Variants in DTWD2 observed in about 807,000 individuals in gnomAD.
The protein encoded by DTWD2 is DTW motif tRNA-uridine aminocarboxypropyltransferase 2.
DTWD2 carries 39 observed loss-of-function variants against 31.8 expected under a neutral mutation model. The observed-to-expected ratio is 1.22, with a 90% CI of 0.95 to 1.60. The LOEUF is 1.60. Among genes scored for constraint, DTWD2 ranks in the 40% most tolerant of loss-of-function variants. The probability of loss-of-function intolerance (pLI) is 0.00; values close to 1 mark genes in which losing one functional copy is unlikely to be tolerated. For synonymous variants in DTWD2, 180 were observed against 142.8 expected, an observed-to-expected ratio of 1.26 and a Z score of -1.86; for missense variants, 515 against 381.5, an observed-to-expected ratio of 1.35 and a Z score of -2.92.
At chr5:118,859,168 G>C (rs1277724459) in intron 4 of DTWD2, among the ~76,000 whole-genome samples, 8 of 149,662 alleles carry the variant, frequency 5.3e-5, no homozygotes, top group Admixed American at 5.3e-4. Context: ...ATTTTTCTAA[G>C]TCTAGATTTC....
chr5:118,873,698 C>T lies in DTWD2; in HGVS notation c.598-25480G>A, dbSNP rs545529392. 3.3e-5 allele frequency among the ~76,000 whole-genome samples: 5 copies of T among 152,328 alleles called. No individual in the cohort carries two copies. The South Asian group carries it at 6.2e-4, about 19-fold the overall frequency. ...AGCCAGCATGGCCCGCTTTCACCAG[C>T]AACTCACACTTGCGCTAACCCTGAC... On this transcript the variant is annotated intron_variant, in intron 4 of 5. Transcript: ENST00000510708.
At chr5:118,966,996 A>T (rs1214062742) in intron 1 of DTWD2, among the ~76,000 whole-genome samples, 1 of 150,646 alleles carries the variant, frequency 6.6e-6, no homozygotes, top group African/African-American at 2.5e-5. Flanking sequence ...ACGCCACTGC[A>T]CTCCAGCAGA....
intron 4 of DTWD2, among the ~76,000 whole-genome samples, chr5:118,917,861 T>C (rs1486889706): frequency 6.6e-6 from 1 of 151,820 alleles, no homozygotes; most frequent in African/African-American, 2.4e-5. Context: ...GCTACTCAAG[T>C]GTCTGAGGCA....
intron 3 of DTWD2, among the ~76,000 whole-genome samples, chr5:118,936,898 G>T (rs1434695153): frequency 6.6e-6 from 1 of 151,818 alleles, no homozygotes; most frequent in Non-Finnish European, 1.5e-5. Flanking sequence ...ATTAAAAGAG[G>T]TTACCACTAC....
At chr5:118,922,528 C>A (rs1753725916) in intron 4 of DTWD2, among the ~76,000 whole-genome samples, 1 of 151,846 alleles carries the variant, frequency 6.6e-6, no homozygotes, top group African/African-American at 2.4e-5. Context: ...GAAATAAAAC[C>A]GAATTATTTT....
intron 4 of DTWD2, among the ~76,000 whole-genome samples, chr5:118,867,686 T>C (rs901950719): frequency 1.3e-5 from 2 of 152,096 alleles, no homozygotes; most frequent in South Asian, 2.1e-4. Context: ...TCTTAATTGA[T>C]AGAAAAGAAA....
chr5:118,873,630 C>T (rs932912887), intron 4 of DTWD2, among the ~76,000 whole-genome samples: 7 of 152,208 alleles, frequency 4.6e-5, no homozygotes, highest in African/African-American at 1.7e-4. Context: ...GGATGCCCAT[C>T]GCCCCTGCCA....
intron 4 of DTWD2, among the ~76,000 whole-genome samples, chr5:118,869,883 G>A (rs1752464183): frequency 6.6e-6 from 1 of 152,154 alleles, no homozygotes; most frequent in Non-Finnish European, 1.5e-5. Context: ...TGTAAGAGGT[G>A]TTGGATCACG....
intron 2 of DTWD2, among the ~76,000 whole-genome samples, chr5:118,943,557 A>G (rs566388461): frequency 1.1e-3 from 173 of 152,128 alleles, no homozygotes; most frequent in African/African-American, 3.4e-3. Flanking sequence ...TCTCAAAAAA[A>G]AAAAAAAAAG....
intron 4 of DTWD2, among the ~76,000 whole-genome samples, chr5:118,917,582 A>T (rs1231976655): frequency 2.0e-5 from 3 of 152,188 alleles, no homozygotes; most frequent in Non-Finnish European, 2.9e-5. Context: ...AGGCCTTAGG[A>T]AACTTACATT....
intron 2 of DTWD2, among the ~76,000 whole-genome samples, 173 bp from the exon 3 acceptor site, chr5:118,939,463 C>T (rs1754131448): frequency 6.6e-6 from 1 of 152,006 alleles, no homozygotes; most frequent in Non-Finnish European, 1.5e-5. Flanking sequence ...CAGTATTAAC[C>T]ATAACACAAG....
At chr5:118,869,666 A>G (rs902451365) in intron 4 of DTWD2, among the ~76,000 whole-genome samples, 1 of 152,236 alleles carries the variant, frequency 6.6e-6, no homozygotes, top group African/African-American at 2.4e-5. Flanking sequence ...GTCAGATTTT[A>G]ATCATTAATT....
At position 118,979,155 on chromosome 5, in the gene DTWD2, T is replaced by G. The variant is rs1755231891; in HGVS notation, c.218+9139A>C. The stretch of plus-strand genomic sequence containing the variant: ...CCATCTCTGCTAAAAATACAAAAAA[T>G]TAGCCAGGCATGGTGGCGGGCACCT... On this transcript the variant is annotated intron_variant, in intron 1 of 5. Transcript: ENST00000510708. Among the ~76,000 whole-genome samples, 8 of 151,854 alleles carry G rather than the reference T, an allele frequency of 5.3e-5. No homozygotes were observed. In the South Asian group the frequency reaches 1.5e-3, roughly 28 times the overall value.
rs1167809584 is a variant in DTWD2, at chr5:118,988,359, A to C, written c.153T>G (p.Ser51Arg). 6.4e-6 allele frequency: 10 copies of C among 1,566,300 alleles called. No individual in the cohort carries two copies. The highest frequency in any genetic ancestry group is 8.6e-6 in the Non-Finnish European group (10 of 1,158,524). Residue 51 changes from serine to arginine, a missense_variant, in exon 1 of 6, where the codon AGT becomes AGG. Coordinates refer to ENST00000510708, the MANE Select transcript of DTWD2 (RefSeq NM_173666.4). The part of the protein sequence containing the change: ...AALGAEADDD[S>R]ADGLWELPVE... ...CCGGCAGCTCCCACAGCCCGTCCGC[A>C]CTGTCGTCGTCCGCCTCTGCGCCCA... is the stretch of plus-strand genomic sequence containing the variant.
chr5:118,920,012 A>T (rs899527432), intron 4 of DTWD2, among the ~76,000 whole-genome samples: 14 of 152,078 alleles, frequency 9.2e-5, no homozygotes, highest in Non-Finnish European at 2.1e-4. Flanking sequence ...AAAATAAAAA[A>T]AAAAAGTGCA....
chr5:118,868,831 T>A (rs1752438130), intron 4 of DTWD2, among the ~76,000 whole-genome samples: 1 of 133,476 alleles, frequency 7.5e-6, no homozygotes, highest in Non-Finnish European at 1.6e-5. Context: ...ATCAAGACCC[T>A]GTCTCTTAAA....
chr5:118,872,181 A>G (rs1752520939), intron 4 of DTWD2, among the ~76,000 whole-genome samples: 1 of 152,232 alleles, frequency 6.6e-6, no homozygotes, highest in Non-Finnish European at 1.5e-5. Context: ...GGAATGTTAT[A>G]GCTGGTTTGA....
intron 4 of DTWD2, among the ~76,000 whole-genome samples, chr5:118,855,337 T>C (rs1403094578): frequency 1.3e-5 from 2 of 150,582 alleles, no homozygotes; most frequent in African/African-American, 4.9e-5. Flanking sequence ...GCAGAGGCAG[T>C]GTCTTGCAGG....
intron 1 of DTWD2, among the ~76,000 whole-genome samples, chr5:118,968,800 G>A (rs534012553): frequency 1.6e-4 from 25 of 152,320 alleles, no homozygotes; most frequent in Admixed American, 1.4e-3. Flanking sequence ...TAGGAAGGGG[G>A]CTGAATCCAG....
Sources: gnomAD v4.1 joint callset for allele counts (sites outside exome capture counted in the v4.1 genomes callset) on GRCh38, gnomAD v4.1.1 for gene constraint, MANE v1.5 for transcripts, NCBI Gene and HGNC (gene_info 2026-07-23, HGNC 2026-07-21) for gene names.